Variants in PTPRM observed in about 807,000 individuals in gnomAD.
PTPRM encodes receptor-type tyrosine-protein phosphatase mu.
A neutral mutation model predicts 186.7 loss-of-function variants in PTPRM; 47 were observed. That is an observed-to-expected ratio of 0.25 (90% CI 0.20 to 0.32). The LOEUF is 0.32. Among genes scored for constraint, PTPRM ranks in the 10% least tolerant of loss-of-function variants. The pLI, the probability that PTPRM is intolerant of heterozygous loss-of-function variation, is 1.00. For missense variants in PTPRM, 1,494 were observed against 1,865.0 expected (o/e 0.80, Z 3.66); for synonymous variants, 668 against 674.9 (o/e 0.99, Z 0.16).
At chr18:8,159,050 ATCTAAATT>A (rs1266361755) in intron 14 of PTPRM, among the ~76,000 whole-genome samples, 12 of 152,194 alleles carry the variant, frequency 7.9e-5, no homozygotes, top group African/African-American at 2.4e-4. Context: ...TCTAACATAA[ATCTAAATT>A]TCTTTTTAAC....
intron 2 of PTPRM, among the ~76,000 whole-genome samples, chr18:7,797,612 T>A (rs2043730716): frequency 6.6e-6 from 1 of 152,208 alleles, no homozygotes; most frequent in African/African-American, 2.4e-5. Flanking sequence ...GCTTTTAGGC[T>A]GTTGTCTGAA....
chr18:8,127,511 A>C (rs184372803), intron 13 of PTPRM, among the ~76,000 whole-genome samples: 2 of 152,160 alleles, frequency 1.3e-5, no homozygotes, highest in East Asian at 3.9e-4. Context: ...TTTTAAAAAA[A>C]ATAACATCCT....
chr18:7,736,675 C>T (rs1252988560), intron 1 of PTPRM, among the ~76,000 whole-genome samples: 1 of 152,206 alleles, frequency 6.6e-6, no homozygotes, highest in Non-Finnish European at 1.5e-5. Context: ...GGGCTGCATG[C>T]TCTGGTGGTC....
intron 19 of PTPRM, among the ~76,000 whole-genome samples, chr18:8,285,220 TAAAC>T (rs1361297479): frequency 4.6e-5 from 7 of 152,210 alleles, no homozygotes; most frequent in African/African-American, 1.7e-4. Context: ...GCAATCCTGT[TAAAC>T]AATTTAATTA....
At chr18:8,024,673 A>G (rs2085452951) in intron 7 of PTPRM, among the ~76,000 whole-genome samples, 1 of 142,826 alleles carries the variant, frequency 7.0e-6, no homozygotes, top group Non-Finnish European at 1.5e-5. Flanking sequence ...AGATTTGGAA[A>G]CCCAAATCTT....
intron 1 of PTPRM, among the ~76,000 whole-genome samples, chr18:7,739,070 G>T (rs115063738): frequency 6.6e-6 from 1 of 152,000 alleles, no homozygotes; most frequent in South Asian, 2.1e-4. Context: ...TTTTCTCGTC[G>T]CACATCACAA....
At chr18:7,691,119 T>A (rs2039723119) in intron 1 of PTPRM, among the ~76,000 whole-genome samples, 2 of 152,212 alleles carry the variant, frequency 1.3e-5, no homozygotes, top group African/African-American at 4.8e-5. Context: ...GATTTTATTT[T>A]TTTTTATTTT....
chr18:7,730,988 G>A (rs2040646545), intron 1 of PTPRM, among the ~76,000 whole-genome samples: 1 of 152,160 alleles, frequency 6.6e-6, no homozygotes, highest in African/African-American at 2.4e-5. Flanking sequence ...GACTCTGCCT[G>A]GAAATTCAGC....
chr18:8,210,475 T>TC (rs912530226), intron 14 of PTPRM, among the ~76,000 whole-genome samples: 4 of 152,088 alleles, frequency 2.6e-5, no homozygotes, highest in African/African-American at 9.7e-5. Context: ...GAATTGTCCT[T>TC]CCCCTACAGG....
At chr18:7,947,838 G>A (rs1283075939) in intron 5 of PTPRM, among the ~76,000 whole-genome samples, 1 of 151,910 alleles carries the variant, frequency 6.6e-6, no homozygotes, top group Non-Finnish European at 1.5e-5. Flanking sequence ...AACCACCCTG[G>A]CCATCGTTTC....
At chr18:8,254,058 A>T (rs376572633) in intron 19 of PTPRM, among the ~76,000 whole-genome samples, 1 of 152,172 alleles carries the variant, frequency 6.6e-6, no homozygotes, top group South Asian at 2.1e-4. Flanking sequence ...CTCAGGAAGA[A>T]ACTGTCCACT....
intron 14 of PTPRM, among the ~76,000 whole-genome samples, chr18:8,192,444 C>CA (rs2093721662): frequency 6.6e-6 from 1 of 152,072 alleles, no homozygotes; most frequent in East Asian, 1.9e-4. Context: ...AGGTTGTACT[C>CA]AAAGACTAAT....
chr18:8,320,832 C>T (rs2095341306), intron 22 of PTPRM, among the ~76,000 whole-genome samples: 1 of 152,164 alleles, frequency 6.6e-6, no homozygotes, highest in African/African-American at 2.4e-5. Context: ...GGTAATGGCT[C>T]CTTCCAAGGT....
At chr18:7,791,147 A>G (rs572306861) in intron 2 of PTPRM, among the ~76,000 whole-genome samples, 17 of 152,364 alleles carry the variant, frequency 1.1e-4, no homozygotes, top group African/African-American at 4.1e-4. Context: ...TTATAAGAGC[A>G]AATGACATGG....
chr18:7,928,281 C>T (rs1405426815), intron 5 of PTPRM, among the ~76,000 whole-genome samples: 4 of 152,120 alleles, frequency 2.6e-5, no homozygotes, highest in Non-Finnish European at 5.9e-5. Context: ...ATTGTATATT[C>T]CAAGTTCATC....
intron 1 of PTPRM, among the ~76,000 whole-genome samples, chr18:7,626,480 C>A (rs1295613956): frequency 6.6e-6 from 1 of 152,136 alleles, no homozygotes; most frequent in Non-Finnish European, 1.5e-5. Flanking sequence ...TCAGCCTGGA[C>A]ATGAGTGACC....
intron 1 of PTPRM, among the ~76,000 whole-genome samples, chr18:7,622,381 C>T (rs1364061864): frequency 1.3e-5 from 2 of 152,050 alleles, no homozygotes; most frequent in Non-Finnish European, 2.9e-5. Context: ...GGTCAGGCCT[C>T]TCATATGCTG....
Position 7,949,192 on chromosome 18 carries a change from G to A in PTPRM, c.675G>A (p.Val225=), listed in dbSNP as rs758444691. 2.5e-6 allele frequency: 4 copies of A among 1,606,046 alleles called. No individual in the cohort carries two copies. The highest frequency in any genetic ancestry group is 1.3e-5 in the African/African-American group (1 of 74,696). ...CCCACTTGATACAGGGCATTGATGT[G>A]CGAGATGCTCCTCTGAAGGAAATCA... ...GDRLWLQGID[V]RDAPLKEIKV... The change falls in exon 6 of 33, where the codon GTG becomes GTA. Residue 225 remains valine (V), a synonymous_variant. Transcript: ENST00000580170.
At chr18:7,998,128 C>T (rs1296219437) in intron 7 of PTPRM, among the ~76,000 whole-genome samples, 1 of 152,132 alleles carries the variant, frequency 6.6e-6, no homozygotes, top group Non-Finnish European at 1.5e-5. Flanking sequence ...GATACGGAGT[C>T]AACCCAGTGT....
Sources: gnomAD v4.1 joint callset for allele counts (sites outside exome capture counted in the v4.1 genomes callset) on GRCh38, gnomAD v4.1.1 for gene constraint, MANE v1.5 for transcripts, NCBI Gene and HGNC (gene_info 2026-07-23, HGNC 2026-07-21) for gene names.